The following ZNF638 variants were observed in gnomAD, a reference collection of about 807,000 sequenced individuals.
The protein encoded by ZNF638 is CTCL tumor antigen se33-1.
ZNF638 carries 46 observed loss-of-function variants against 195.6 expected under a neutral mutation model. The observed-to-expected ratio is 0.24, with a 90% CI of 0.19 to 0.30. ZNF638 has a LOEUF of 0.30. Ranked by LOEUF, ZNF638 falls within the 10% of genes least tolerant of loss-of-function variation. The pLI, the probability that ZNF638 is intolerant of heterozygous loss-of-function variation, is 1.00. For missense variants in ZNF638, 2,440 were observed against 2,325.3 expected, an observed-to-expected ratio of 1.05 and a Z score of -1.01; for synonymous variants, 845 against 772.0, an observed-to-expected ratio of 1.09 and a Z score of -1.57.
chr2:71,418,795 T>G (rs1284041562), intron 21 of ZNF638, among the ~76,000 whole-genome samples, 156 bp downstream of exon 21: 1 of 152,220 alleles, frequency 6.6e-6, no homozygotes, highest in Admixed American at 6.5e-5. Context: ...CTTTTTGGAC[T>G]CAGCCTGACC....
At chr2:71,388,257 G>A (rs904716005) in intron 10 of ZNF638, among the ~76,000 whole-genome samples, 1 of 152,142 alleles carries the variant, frequency 6.6e-6, no homozygotes, top group Non-Finnish European at 1.5e-5. Flanking sequence ...GGTAACAAAG[G>A]AGTGTAAAGG....
chr2:71,360,519 A>G (rs1195717095), intron 3 of ZNF638, among the ~76,000 whole-genome samples: 9 of 151,614 alleles, frequency 5.9e-5, no homozygotes, highest in Non-Finnish European at 1.5e-5. Flanking sequence ...AGATTTATGC[A>G]TTACAGTCTC....
At chr2:71,354,735 CAAAAAAAAAAGAAAA>C (rs2078995651) in intron 2 of ZNF638, among the ~76,000 whole-genome samples, 1 of 138,656 alleles carries the variant, frequency 7.2e-6, no homozygotes, top group Non-Finnish European at 1.6e-5. Context: ...GAAACTGTCT[CAAAAAAAAAAGAAAA>C]GAAAAAAAAA....
At position 71,364,129 on chromosome 2, in the gene ZNF638, A is replaced by G; in HGVS notation, c.1594A>G (p.Arg532Gly). ...SPRICHRFIS[R>G]YRSRSRSRSP... Reference sequence around the variant, plus strand: ...AAGAATTTGCCATCGTTTCATTTCTAGATACAGATCCAGATCCAGATCCCG... The same window carrying G: ...AAGAATTTGCCATCGTTTCATTTCTGGATACAGATCCAGATCCAGATCCCG... The change falls in exon 5 of 28, where the codon AGA becomes GGA. Residue 532 changes from arginine (R) to glycine (G), a missense_variant. Transcript: ENST00000264447. The G allele has an allele frequency of 6.2e-7, 1 of 1,614,154 alleles. No individual in the cohort carries two copies. The highest frequency in any genetic ancestry group is 8.5e-7 in the Non-Finnish European group (1 of 1,180,020).
At position 71,427,265 on chromosome 2, in the gene ZNF638, A is replaced by C; in HGVS notation, c.5396A>C (p.Asn1799Thr). Residue 1799 changes from asparagine to threonine, a missense_variant, in exon 24 of 28, where the codon AAT (asparagine) becomes ACT (threonine). Physicochemically the swap from Asn to Thr is moderately conservative, Grantham distance 65. Transcript: ENST00000264447. ...DLKVELAQSKNDHPTDKKGNR... is the reference protein window; with the variant it reads ...DLKVELAQSKTDHPTDKKGNR... ...AAAGTTGAGTTAGCACAAAGCAAAAATGACCATCCCACAGATAAAAAAGGG... is the reference window on the plus strand; with the variant it reads ...AAAGTTGAGTTAGCACAAAGCAAAACTGACCATCCCACAGATAAAAAAGGG... 6.2e-7 allele frequency: 1 copy of C among 1,613,682 alleles called. No individual in the cohort carries two copies. Among genetic ancestry groups the C allele is most frequent in the Non-Finnish European group, 8.5e-7 (1 of 1,179,960 alleles).
intron 10 of ZNF638, among the ~76,000 whole-genome samples, chr2:71,381,489 A>G (rs1206012677): frequency 1.3e-5 from 2 of 152,100 alleles, no homozygotes; most frequent in South Asian, 4.1e-4. Flanking sequence ...ACATTATGTG[A>G]AGAGATAAAA....
chr2:71,369,632 TC>T lies in ZNF638; in HGVS notation c.2143-249del, dbSNP rs1047092215. Among the ~76,000 whole-genome samples, 3 of 152,200 alleles carry T rather than the reference TC, an allele frequency of 2.0e-5. No homozygotes were observed. In the East Asian group the frequency reaches 5.8e-4, roughly 29 times the overall value. On this transcript the variant is annotated intron_variant, in intron 7 of 27. Coordinates refer to ENST00000264447, the MANE Select transcript of ZNF638 (RefSeq NM_014497.5). ...GCCCTGCCTTCTCATTTCCTCTTCT[TC>T]CATGAGCCTGCCTGGATTTTTTTTT...
At chr2:71,401,753 G>A (rs961866823) in intron 15 of ZNF638, among the ~76,000 whole-genome samples, 1 of 151,762 alleles carries the variant, frequency 6.6e-6, no homozygotes, top group Admixed American at 6.6e-5. Flanking sequence ...ACTACAATTA[G>A]TCTGTACTCT....
At chr2:71,364,470 G>A (rs1288522218) in intron 5 of ZNF638, among the ~76,000 whole-genome samples, 1 of 152,070 alleles carries the variant, frequency 6.6e-6, no homozygotes, top group Non-Finnish European at 1.5e-5. Flanking sequence ...AACCAAGGAT[G>A]GTAAAAATGT....
At chr2:71,373,958 GACT>G (rs1212673281) in intron 8 of ZNF638, 2 of 152,090 alleles carry the variant, frequency 1.3e-5, no homozygotes, top group African/African-American at 2.4e-5. Context: ...GAGTACCTGG[GACT>G]ACAGGTGCAA....
chr2:71,392,350 A>G (rs1042174848), intron 10 of ZNF638, among the ~76,000 whole-genome samples: 16 of 152,218 alleles, frequency 1.1e-4, no homozygotes, highest in East Asian at 3.9e-4. Context: ...TGGAAACCAC[A>G]TAATTCCCTC....
intron 1 of ZNF638, among the ~76,000 whole-genome samples, chr2:71,340,640 A>G (rs1394566915): frequency 6.6e-6 from 1 of 152,220 alleles, no homozygotes; most frequent in Admixed American, 6.5e-5. Flanking sequence ...GGAAGATTAT[A>G]GAATACTTTT....
intron 8 of ZNF638, among the ~76,000 whole-genome samples, chr2:71,377,692 AAG>A (rs1410240314): frequency 1.3e-5 from 2 of 152,216 alleles, no homozygotes; most frequent in Non-Finnish European, 2.9e-5. Context: ...TGAAAGTTAA[AAG>A]AGTGAAAAAT....
intron 8 of ZNF638, chr2:71,374,891 C>G (rs2079392782): frequency 6.6e-6 from 1 of 152,138 alleles, no homozygotes; most frequent in South Asian, 2.1e-4. Context: ...ACCATGGCAC[C>G]CCAGCCTGGG....
intron 15 of ZNF638, among the ~76,000 whole-genome samples, chr2:71,401,075 A>G (rs2079996498): frequency 1.3e-5 from 2 of 152,202 alleles, no homozygotes; most frequent in Non-Finnish European, 2.9e-5. Flanking sequence ...GTTTTTGTCT[A>G]GTAGATCCAT....
rs568557206 is a variant in ZNF638 at position 71,402,212 on chromosome 2, G to A, written c.2829+125G>A. The A allele has an allele frequency of 6.0e-6, 6 of 1,003,630 alleles. No homozygotes were observed. In the African/African-American group the frequency reaches 8.3e-5, roughly 14 times the overall value. The allele number at this position is 1,003,630 out of a possible 1,614,324, so 62.2% of individuals were successfully genotyped here. On this transcript the variant is annotated intron_variant, in intron 16 of 27. Transcript: ENST00000264447. ...TCTCAAAGTAAACTTTCAAGCTAAG[G>A]GATTTTAAAATATAAAACACAGATA...
intron 7 of ZNF638, 126 bp downstream of exon 7, chr2:71,368,654 G>A (rs1332179875): frequency 3.9e-6 from 4 of 1,034,694 alleles, no homozygotes; most frequent in African/African-American, 1.6e-5. Flanking sequence ...TTATATAAAT[G>A]TCTGGATGTG....
intron 11 of ZNF638, among the ~76,000 whole-genome samples, chr2:71,398,341 T>C (rs929791240): frequency 3.1e-4 from 47 of 152,194 alleles, no homozygotes; most frequent in African/African-American, 9.9e-4. Flanking sequence ...TAAATAATTT[T>C]GTGCATGAAA....
At chr2:71,425,654 C>G (rs908181250) in intron 23 of ZNF638, among the ~76,000 whole-genome samples, 2 of 151,988 alleles carry the variant, frequency 1.3e-5, no homozygotes, top group Non-Finnish European at 2.9e-5. Flanking sequence ...CAAAATGTAA[C>G]CATTATATTT....
Sources: allele counts gnomAD v4.1 joint callset (sites outside exome capture counted in the v4.1 genomes callset), GRCh38; gene constraint gnomAD v4.1.1; transcripts MANE v1.5; gene names NCBI Gene and HGNC (gene_info 2026-07-23, HGNC 2026-07-21).